Variants in SNX29 observed in about 807,000 individuals in gnomAD.
The protein encoded by SNX29 is sorting nexin-29.
A neutral mutation model predicts 102.1 loss-of-function variants in SNX29; 78 were observed. That is an observed-to-expected ratio of 0.76 (90% CI 0.64 to 0.92). SNX29 has a LOEUF of 0.92. Ranked by LOEUF, SNX29 falls within the 40% of genes least tolerant of loss-of-function variation. The pLI is 0.00. For missense variants in SNX29, 1,280 were observed against 1,061.7 expected (o/e 1.21, Z -2.86); for synonymous variants, 580 against 414.5 (o/e 1.40, Z -4.85).
intron 3 of SNX29, among the ~76,000 whole-genome samples, chr16:12,015,696 C>T (rs142929337): frequency 1.3e-4 from 20 of 149,904 alleles, no homozygotes; most frequent in Admixed American, 6.0e-4. Flanking sequence ...CCACCGTGCC[C>T]GGCTAACTTT....
At chr16:12,067,515 T>C (rs2051090981) in intron 9 of SNX29, among the ~76,000 whole-genome samples, 1 of 152,112 alleles carries the variant, frequency 6.6e-6, no homozygotes, top group African/African-American at 2.4e-5. Context: ...TGAGACGGAG[T>C]CTCACTCTGT....
chr16:12,398,285 C>T (rs2083790799), intron 16 of SNX29, among the ~76,000 whole-genome samples, 161 bp from the exon 17 acceptor site: 1 of 152,204 alleles, frequency 6.6e-6, no homozygotes, highest in African/African-American at 2.4e-5. Flanking sequence ...CCAACCATCC[C>T]TCCACACAAT....
At chr16:12,071,938 G>A (rs2051319388) in intron 10 of SNX29, among the ~76,000 whole-genome samples, 1 of 152,160 alleles carries the variant, frequency 6.6e-6, no homozygotes, top group Admixed American at 6.5e-5. Context: ...AAGCAATTGT[G>A]AATGGGAGTT....
chr16:12,222,152 C>T (rs1212748485), intron 14 of SNX29, among the ~76,000 whole-genome samples: 1 of 152,180 alleles, frequency 6.6e-6, no homozygotes, highest in African/African-American at 2.4e-5. Context: ...TCTGCAGATG[C>T]AGAAACACAG....
intron 11 of SNX29, among the ~76,000 whole-genome samples, chr16:12,123,758 G>A (rs940320339): frequency 3.9e-5 from 6 of 152,154 alleles, no homozygotes; most frequent in East Asian, 1.9e-4. Flanking sequence ...AAGAACTTGC[G>A]ATGTTCTCCT....
At chr16:12,056,350 G>T (rs1323448511) in intron 8 of SNX29, among the ~76,000 whole-genome samples, 1 of 152,192 alleles carries the variant, frequency 6.6e-6, no homozygotes, top group Non-Finnish European at 1.5e-5. Context: ...GCCCTCTGAA[G>T]CCAGAGGGCC....
rs34218008 is a variant in SNX29 at position 12,444,842 on chromosome 16, G to GTTT, written c.2038-32864_2038-32862dup. On this transcript the variant is annotated intron_variant, in intron 18 of 20. Coordinates refer to ENST00000566228, the MANE Select transcript of SNX29 (RefSeq NM_032167.5). ...TGTCCCCTCGACAGTGTTTTTTTTT[G>GTTT]TTTTTTTTTTTTTTTGAGACAGAGT... is the stretch of plus-strand genomic sequence containing the variant. Among the ~76,000 whole-genome samples, 331 of 132,560 alleles carry GTTT rather than the reference G, an allele frequency of 2.5e-3. 9 individuals are homozygous for GTTT. The highest frequency in any genetic ancestry group is 7.8e-3 in the African/African-American group (270 of 34,838). 87.0% of individuals were successfully genotyped at this position (132,560 alleles called of 152,430 possible).
chr16:12,021,872 C>G lies in SNX29; in HGVS notation c.123-5448C>G, dbSNP rs533361498. 8.0e-4 allele frequency among the ~76,000 whole-genome samples: 119 copies of G among 149,302 alleles called. 1 individual carries two copies. The highest frequency in any genetic ancestry group is 3.5e-3 in the Admixed American group (52 of 14,902). ...CGTCACTGCACTCCAGCCTGGGGAACAGAGCGAGGCTCCATCTCAAAAAAA... is the reference window on the plus strand; with the variant it reads ...CGTCACTGCACTCCAGCCTGGGGAAGAGAGCGAGGCTCCATCTCAAAAAAA... On this transcript the variant is annotated intron_variant, in intron 3 of 20. Coordinates refer to ENST00000566228, the MANE Select transcript of SNX29 (RefSeq NM_032167.5).
At chr16:12,037,816 A>C (rs946969001) in intron 4 of SNX29, among the ~76,000 whole-genome samples, 1 of 151,976 alleles carries the variant, frequency 6.6e-6, no homozygotes. Context: ...TTAGCCGTGT[A>C]TGGTGGTGTA....
intron 19 of SNX29, among the ~76,000 whole-genome samples, chr16:12,483,114 G>GTTTTTGTTTTTTTTTTTTTT (rs71139598): frequency 6.0e-5 from 4 of 66,214 alleles, no homozygotes; most frequent in Admixed American, 4.1e-4. Context: ...AAGTTATTAA[G>GTTTTTGTTTTTTTTTTTTTT]TTTTTTTTTT....
chr16:12,139,814 A>T (rs1690876600), intron 13 of SNX29, among the ~76,000 whole-genome samples: 1 of 151,864 alleles, frequency 6.6e-6, no homozygotes, highest in South Asian at 2.1e-4. Context: ...GACCCTGTCT[A>T]CACAAAAATT....
chr16:12,094,512 C>G (rs1298224599), intron 11 of SNX29, among the ~76,000 whole-genome samples: 1 of 152,178 alleles, frequency 6.6e-6, no homozygotes, highest in Non-Finnish European at 1.5e-5. Context: ...TCAATCCTCC[C>G]TCTGGTTAAG....
chr16:12,274,188 T>G (rs1329256719), intron 14 of SNX29, among the ~76,000 whole-genome samples: 1 of 152,244 alleles, frequency 6.6e-6, no homozygotes, highest in African/African-American at 2.4e-5. Flanking sequence ...CCTGGGTGTA[T>G]AAGGCTCAAA....
intron 3 of SNX29, among the ~76,000 whole-genome samples, chr16:12,013,522 T>G (rs1378474550): frequency 9.2e-6 from 1 of 108,822 alleles, no homozygotes; most frequent in African/African-American, 3.4e-5. Flanking sequence ...TATATATATA[T>G]ATATATATAT....
At chr16:12,481,395 T>TATACACAC (rs536664184) in intron 19 of SNX29, among the ~76,000 whole-genome samples, 2,292 of 149,824 alleles carry the variant, frequency 0.015, 63 homozygotes, top group East Asian at 0.12. Flanking sequence ...TATATATATA[T>TATACACAC]ACACACACAC....
At chr16:12,295,535 T>C (rs1596797982) in intron 15 of SNX29, among the ~76,000 whole-genome samples, 1 of 152,212 alleles carries the variant, frequency 6.6e-6, no homozygotes, top group Non-Finnish European at 1.5e-5. Flanking sequence ...CTGGAACCGG[T>C]GGAGCAGAGA....
chr16:12,426,873 C>T (rs2085102020), intron 18 of SNX29, among the ~76,000 whole-genome samples: 1 of 152,100 alleles, frequency 6.6e-6, no homozygotes, highest in African/African-American at 2.4e-5. Flanking sequence ...GCCATGTTGA[C>T]CAGGCTGGTC....
chr16:12,080,367 A>G (rs1232613435), intron 11 of SNX29, among the ~76,000 whole-genome samples: 1 of 152,100 alleles, frequency 6.6e-6, no homozygotes, highest in Non-Finnish European at 1.5e-5. Flanking sequence ...GTATGTGAGC[A>G]TGTGTGGTTT....
At chr16:12,314,164 A>AT (rs1004920740) in intron 15 of SNX29, among the ~76,000 whole-genome samples, 9 of 151,652 alleles carry the variant, frequency 5.9e-5, no homozygotes, top group Middle Eastern at 3.4e-3. Context: ...CTATTTTTTT[A>AT]TTTTTTTTAA....
Sources: allele counts gnomAD v4.1 joint callset (sites outside exome capture counted in the v4.1 genomes callset), GRCh38; gene constraint gnomAD v4.1.1; transcripts MANE v1.5; gene names NCBI Gene and HGNC (gene_info 2026-07-23, HGNC 2026-07-21).